MCTP1: variants seen among roughly 807,000 people sequenced by gnomAD.
The protein encoded by MCTP1 is multiple C2 and transmembrane domain containing 1.
A neutral mutation model predicts 120.6 loss-of-function variants in MCTP1; 69 were observed. The ratio of observed to expected loss-of-function variants is 0.57; its 90% CI spans 0.47 to 0.70. The LOEUF (loss-of-function observed/expected upper bound fraction) is 0.70, where lower values mean the gene tolerates loss of function less well. Ranked by LOEUF, MCTP1 falls within the 30% of genes least tolerant of loss-of-function variation. MCTP1 has a pLI of 0.00. For missense variants in MCTP1, 1,203 were observed against 1,248.8 expected (o/e 0.96, Z 0.55); for synonymous variants, 529 against 493.1 (o/e 1.07, Z -0.96).
chr5:94,951,577 C>T (rs927562908), intron 3 of MCTP1, among the ~76,000 whole-genome samples: 1 of 152,168 alleles, frequency 6.6e-6, no homozygotes, highest in African/African-American at 2.4e-5. Flanking sequence ...TTCTTCATAC[C>T]TGCCATTGCT....
At chr5:95,121,209 C>T (rs560811420) in intron 1 of MCTP1, among the ~76,000 whole-genome samples, 45 of 128,634 alleles carry the variant, frequency 3.5e-4, no homozygotes, top group Non-Finnish European at 5.6e-4. Context: ...ACCCAGGAGG[C>T]GGAGCTTGCA....
At chr5:94,959,810 G>A (rs1823667091) in intron 2 of MCTP1, among the ~76,000 whole-genome samples, 1 of 152,164 alleles carries the variant, frequency 6.6e-6, no homozygotes, top group Non-Finnish European at 1.5e-5. Context: ...CTCATGAATA[G>A]GAAGAATCAA....
intron 1 of MCTP1, among the ~76,000 whole-genome samples, chr5:95,040,827 G>A (rs535002310): frequency 3.9e-5 from 6 of 152,270 alleles, no homozygotes; most frequent in African/African-American, 9.6e-5. Context: ...TGAGAATGCT[G>A]GAACACAAGG....
intron 1 of MCTP1, among the ~76,000 whole-genome samples, chr5:95,061,408 G>GTTTTTTTTTTTTTTTTTTTTT (rs556663513): frequency 3.0e-5 from 1 of 33,490 alleles, no homozygotes; most frequent in African/African-American, 9.8e-5. Context: ...CCCCTTAAGG[G>GTTTTTTTTTTTTTTTTTTTTT]TTTTTTTTTT....
chr5:94,721,568 C>T (rs1760900493), intron 19 of MCTP1, among the ~76,000 whole-genome samples: 1 of 152,180 alleles, frequency 6.6e-6, no homozygotes, highest in South Asian at 2.1e-4. Context: ...CTTTTAAAAT[C>T]TGTCATCAAA....
At chr5:94,743,327 A>AAAG (rs1554084632) in intron 19 of MCTP1, among the ~76,000 whole-genome samples, 1 of 151,786 alleles carries the variant, frequency 6.6e-6, no homozygotes. Context: ...AAAAAAAAAA[A>AAAG]AGAGAGTCTA....
At chr5:94,932,347 G>A (rs962877771) in intron 5 of MCTP1, among the ~76,000 whole-genome samples, 8 of 151,724 alleles carry the variant, frequency 5.3e-5, no homozygotes, top group Non-Finnish European at 1.2e-4. Context: ...GACTTGAACA[G>A]GTATATAATA....
At chr5:94,812,954 GTATA>G (rs1783755880) in intron 17 of MCTP1, among the ~76,000 whole-genome samples, 1 of 151,746 alleles carries the variant, frequency 6.6e-6, no homozygotes, top group African/African-American at 2.4e-5. Flanking sequence ...GTGCGTGCGT[GTATA>G]TATAATGTAT....
intron 3 of MCTP1, among the ~76,000 whole-genome samples, chr5:94,952,295 T>A (rs1820837431): frequency 6.6e-6 from 1 of 151,530 alleles, no homozygotes; most frequent in South Asian, 2.1e-4. Flanking sequence ...ATTAACTGTA[T>A]CCTTATGTAT....
chr5:94,762,781 G>A (rs537669178), intron 19 of MCTP1, among the ~76,000 whole-genome samples: 1 of 152,292 alleles, frequency 6.6e-6, no homozygotes, highest in Admixed American at 6.5e-5. Flanking sequence ...GCTTCTTTGT[G>A]AGACTTTCTA....
At chr5:94,813,187 C>T (rs1783807250) in intron 17 of MCTP1, among the ~76,000 whole-genome samples, 1 of 152,110 alleles carries the variant, frequency 6.6e-6, no homozygotes, top group South Asian at 2.1e-4. Flanking sequence ...CCAAATAAAA[C>T]ATCTGAATGT....
At chr5:95,170,588 G>A (rs1582430108) in intron 1 of MCTP1, among the ~76,000 whole-genome samples, 1 of 152,138 alleles carries the variant, frequency 6.6e-6, no homozygotes, top group South Asian at 2.1e-4. Flanking sequence ...ATGAATCTGG[G>A]TGCTCCTGTA....
At chr5:95,010,512 A>G (rs1306571177) in intron 2 of MCTP1, among the ~76,000 whole-genome samples, 1 of 152,174 alleles carries the variant, frequency 6.6e-6, no homozygotes, top group Non-Finnish European at 1.5e-5. Context: ...TTATTCATAG[A>G]TGGGTCAAAG....
intron 17 of MCTP1, chr5:94,867,875 A>ATTGTTAAATG (rs1189602613): frequency 4.4e-5 from 7 of 157,830 alleles, no homozygotes; most frequent in African/African-American, 1.7e-4. Context: ...CAGTTGAATC[A>ATTGTTAAATG]CATGTTAAAG....
chr5:94,931,819 A>G, intron 6 of MCTP1, 134 bp downstream of exon 6: 1 of 714,206 alleles, frequency 1.4e-6, no homozygotes, highest in South Asian at 1.8e-5. Flanking sequence ...GGTTGGCTTA[A>G]ATTTATGGGG....
chr5:95,037,004 C>A (rs1841450583), intron 1 of MCTP1, among the ~76,000 whole-genome samples: 1 of 152,186 alleles, frequency 6.6e-6, no homozygotes, highest in East Asian at 1.9e-4. Flanking sequence ...TGGATACATT[C>A]TTTGCCTTCA....
chr5:94,846,209 C>T lies in MCTP1; in HGVS notation c.2436+22124G>A, dbSNP rs139051490. ...ATAGAGACATATGCACATGTATGCT[C>T]ATTGCAGCACTGTTTACAATAGCAA... On this transcript the variant is annotated intron_variant, in intron 17 of 22. Transcript: ENST00000515393. Among the ~76,000 whole-genome samples, 931 of 152,266 alleles carry T rather than the reference C, an allele frequency of 6.1e-3. 23 individuals carry two copies. The highest frequency in any genetic ancestry group is 0.045 in the Admixed American group (685 of 15,280).
rs770945467 is a variant in MCTP1, at chr5:94,888,915, T to C, written c.1897A>G (p.Ile633Val). ...KDVGFLQVKV[I>V]RAEGLMAADV... ...GCAGCCATTAACCCTTCCGCTCTGA[T>C]GACTTTCACCTGGAGAAATCCCACA... The change falls in exon 12 of 23, where the codon ATC (isoleucine) becomes GTC (valine). Residue 633 changes from isoleucine (I) to valine (V), a missense_variant. Coordinates refer to ENST00000515393, the MANE Select transcript of MCTP1 (RefSeq NM_024717.7). 4 of 1,614,016 alleles carry C rather than the reference T, an allele frequency of 2.5e-6. No homozygotes were observed. The highest frequency in any genetic ancestry group is 4.5e-5 in the East Asian group (2 of 44,878).
At chr5:94,876,302 T>C (rs1798855337) in intron 12 of MCTP1, among the ~76,000 whole-genome samples, 1 of 152,110 alleles carries the variant, frequency 6.6e-6, no homozygotes, top group Non-Finnish European at 1.5e-5. Context: ...CCTTTTATCA[T>C]TCCATTTAGG....
Sources: gnomAD v4.1 joint callset for allele counts (sites outside exome capture counted in the v4.1 genomes callset) on GRCh38, gnomAD v4.1.1 for gene constraint, MANE v1.5 for transcripts, NCBI Gene and HGNC (gene_info 2026-07-23, HGNC 2026-07-21) for gene names.